Variants in APBA2 observed in about 807,000 individuals in gnomAD.
APBA2 encodes the protein amyloid-beta A4 precursor protein-binding family A member 2.
Under a neutral mutation model 75.0 loss-of-function variants are expected in APBA2, and 30 were observed. The ratio of observed to expected loss-of-function variants is 0.40; its 90% CI spans 0.30 to 0.54. The LOEUF is 0.54. APBA2 is among the 20% of genes least tolerant of loss of function. The probability of loss-of-function intolerance (pLI) is 0.49; values close to 1 mark genes in which losing one functional copy is unlikely to be tolerated. For missense variants in APBA2, 801 were observed against 1,016.1 expected, an observed-to-expected ratio of 0.79 and a Z score of 2.88; for synonymous variants, 444 against 409.6, an observed-to-expected ratio of 1.08 and a Z score of -1.01.
At chr15:29,090,407 G>T (rs1216546051) in intron 6 of APBA2, among the ~76,000 whole-genome samples, 1 of 152,226 alleles carries the variant, frequency 6.6e-6, no homozygotes, top group Non-Finnish European at 1.5e-5. Context: ...CAAGGACATG[G>T]GTCAACATGG....
At chr15:29,058,912 G>T (rs751489711) in intron 4 of APBA2, among the ~76,000 whole-genome samples, 2 of 152,244 alleles carry the variant, frequency 1.3e-5, no homozygotes, top group Non-Finnish European at 2.9e-5. Context: ...CCTAGGTCAG[G>T]ATTTCCCAAA....
chr15:28,891,755 C>T (rs2032144692), intron 1 of APBA2, among the ~76,000 whole-genome samples: 1 of 152,174 alleles, frequency 6.6e-6, no homozygotes, highest in African/African-American at 2.4e-5. Context: ...AGTCGGAGAA[C>T]ACTATTGACA....
At chr15:28,973,657 G>A (rs1287250944) in intron 2 of APBA2, among the ~76,000 whole-genome samples, 1 of 152,126 alleles carries the variant, frequency 6.6e-6, no homozygotes, top group African/African-American at 2.4e-5. Flanking sequence ...AAAAAAAATT[G>A]TATATGTATG....
intron 6 of APBA2, among the ~76,000 whole-genome samples, chr15:29,080,926 C>A (rs1308520742): frequency 6.6e-6 from 1 of 152,206 alleles, no homozygotes; most frequent in East Asian, 1.9e-4. Flanking sequence ...ACCCACCACC[C>A]CACCAGCAGC....
At chr15:28,933,934 C>T (rs999605740) in intron 2 of APBA2, among the ~76,000 whole-genome samples, 3 of 151,940 alleles carry the variant, frequency 2.0e-5, no homozygotes, top group Non-Finnish European at 4.4e-5. Context: ...GACTGTGTGC[C>T]GAGGCTGCAG....
chr15:29,106,518 G>A, intron 11 of APBA2, 89 bp from the exon 12 acceptor site: 2 of 1,423,462 alleles, frequency 1.4e-6, no homozygotes, highest in Non-Finnish European at 2.0e-6. Context: ...GATGTGCCAG[G>A]ACAGGGTCAG....
At chr15:28,938,267 T>A in intron 2 of APBA2, among the ~76,000 whole-genome samples, 1 of 152,096 alleles carries the variant, frequency 6.6e-6, no homozygotes, top group Admixed American at 6.5e-5. Context: ...CCAAACCACA[T>A]GGTATTTATG....
intron 1 of APBA2, among the ~76,000 whole-genome samples, chr15:28,897,182 G>GACAC (rs368122549): frequency 0.019 from 2,820 of 148,100 alleles, 30 homozygotes; most frequent in Middle Eastern, 0.035. Context: ...CAAAAGACAC[G>GACAC]ACACACACAC....
At chr15:29,113,704 A>T (rs1013085094) in intron 13 of APBA2, among the ~76,000 whole-genome samples, 172 bp from the exon 14 acceptor site, 7 of 152,200 alleles carry the variant, frequency 4.6e-5, no homozygotes, top group Admixed American at 2.0e-4. Context: ...CTCTTGTTTT[A>T]AAGAAACATA....
intron 2 of APBA2, among the ~76,000 whole-genome samples, chr15:28,944,150 T>C (rs1565408): frequency 0.34 from 51,982 of 152,022 alleles, 15,725 homozygotes; most frequent in African/African-American, 0.8. Context: ...TGCGACTGCT[T>C]TCAGGATCAA....
At chr15:28,896,748 T>A (rs1038155907) in intron 1 of APBA2, among the ~76,000 whole-genome samples, 2 of 152,116 alleles carry the variant, frequency 1.3e-5, no homozygotes, top group Non-Finnish European at 2.9e-5. Flanking sequence ...TCCCAAAAAG[T>A]CCCATAAAAC....
intron 4 of APBA2, among the ~76,000 whole-genome samples, chr15:29,060,647 G>C (rs575114332): frequency 2.0e-5 from 3 of 152,124 alleles, no homozygotes; most frequent in Non-Finnish European, 4.4e-5. Flanking sequence ...GGAAGCCTCC[G>C]GTCTGTAAAA....
intron 1 of APBA2, chr15:28,919,231 G>A (rs968706689): frequency 2.0e-5 from 3 of 152,416 alleles, no homozygotes; most frequent in African/African-American, 7.2e-5. Context: ...TGGGTGGGCA[G>A]GGGGAGAGGC....
rs1009393949 is a variant in APBA2, at chr15:29,101,977, T to C, written c.1524+193T>C. 9 of 650,450 alleles carry C rather than the reference T, an allele frequency of 1.4e-5. No homozygotes were observed. The Admixed American group carries it at 2.2e-4, about 16-fold the overall frequency. 40.3% of individuals were successfully genotyped at this position (650,450 alleles called of 1,614,324 possible). A position where few individuals can be genotyped will look rare whatever the true frequency, so the allele number is the denominator to read the frequency against. ...GTGAATACAGTTTTATTCTACTTCT[T>C]GAAATAGGTTCTTCAGGAGCTGTTT... On this transcript the variant is annotated intron_variant, in intron 10 of 14. Coordinates refer to ENST00000683413, the MANE Select transcript of APBA2 (RefSeq NM_001353788.2).
At chr15:28,953,199 C>T (rs1183523419) in intron 2 of APBA2, among the ~76,000 whole-genome samples, 2 of 152,132 alleles carry the variant, frequency 1.3e-5, no homozygotes, top group African/African-American at 4.8e-5. Flanking sequence ...GTGCAGAATC[C>T]TCCTCTCCTC....
At position 29,029,918 on chromosome 15, in the gene APBA2, G is replaced by A. The variant is rs559654564; in HGVS notation, c.-40-23927G>A. 5.3e-5 allele frequency among the ~76,000 whole-genome samples: 8 copies of A among 152,266 alleles called. No individual in the cohort carries two copies. In the East Asian group the frequency reaches 1.4e-3, roughly 26 times the overall value. ...GTCCAGAGGTGCCGGACATGCAGAA[G>A]GAACGATTGCTCAACGCAGGACTCT... is the stretch of plus-strand genomic sequence containing the variant. On this transcript the variant is annotated intron_variant, in intron 3 of 14. Transcript: ENST00000683413.
At chr15:28,984,253 G>A (rs1287343631) in intron 2 of APBA2, among the ~76,000 whole-genome samples, 2 of 152,088 alleles carry the variant, frequency 1.3e-5, no homozygotes, top group Non-Finnish European at 2.9e-5. Flanking sequence ...GGCAGGGGGA[G>A]CTGCGGAGGC....
At chr15:29,101,533 T>A in intron 9 of APBA2, 66 bp from the exon 10 acceptor site, 1 of 1,548,484 alleles carries the variant, frequency 6.5e-7, no homozygotes, top group Non-Finnish European at 8.8e-7. Context: ...TGCCCAGCCC[T>A]GGAGTACTTT....
intron 4 of APBA2, among the ~76,000 whole-genome samples, chr15:29,064,737 T>C (rs1200475578): frequency 6.6e-6 from 1 of 151,932 alleles, no homozygotes; most frequent in Non-Finnish European, 1.5e-5. Flanking sequence ...GACAGAGGGT[T>C]CCACTGGGGG....
Sources: allele counts gnomAD v4.1 joint callset (sites outside exome capture counted in the v4.1 genomes callset), GRCh38; gene constraint gnomAD v4.1.1; transcripts MANE v1.5; gene names NCBI Gene and HGNC (gene_info 2026-07-23, HGNC 2026-07-21).